Variants in DLG2 observed in about 807,000 individuals in gnomAD.
The protein encoded by DLG2 is discs large MAGUK scaffold protein 2, also known as disks large homolog 2.
A neutral mutation model predicts 132.5 loss-of-function variants in DLG2; 45 were observed. The observed-to-expected ratio is 0.34, with a 90% CI of 0.27 to 0.44. DLG2 has a LOEUF of 0.44. Among genes scored for constraint, DLG2 ranks in the 20% least tolerant of loss-of-function variants. The pLI, the probability that DLG2 is intolerant of heterozygous loss-of-function variation, is 1.00. For synonymous variants in DLG2, 424 were observed against 419.6 expected (o/e 1.01, Z -0.13); for missense variants, 1,045 against 1,196.9 (o/e 0.87, Z 1.87).
chr11:83,805,478 A>G (rs1305131309), intron 17 of DLG2, among the ~76,000 whole-genome samples: 1 of 151,846 alleles, frequency 6.6e-6, no homozygotes, highest in African/African-American at 2.4e-5. Context: ...GATATATCAT[A>G]TATTTGGTTT....
chr11:85,148,323 T>C (rs1026386905), intron 5 of DLG2, among the ~76,000 whole-genome samples: 1 of 152,144 alleles, frequency 6.6e-6, no homozygotes, highest in African/African-American at 2.4e-5. Context: ...TTTGAGGAAT[T>C]GGCACACTGT....
intron 18 of DLG2, among the ~76,000 whole-genome samples, chr11:83,667,013 C>G (rs1302267287): frequency 6.6e-6 from 1 of 152,206 alleles, no homozygotes; most frequent in East Asian, 1.9e-4. Flanking sequence ...CCTGGGCAAA[C>G]TGCGATATAC....
At chr11:84,868,348 G>C (rs2084951662) in intron 6 of DLG2, among the ~76,000 whole-genome samples, 1 of 151,884 alleles carries the variant, frequency 6.6e-6, no homozygotes. Context: ...TTAAACATAT[G>C]CATTTTCTTA....
intron 6 of DLG2, among the ~76,000 whole-genome samples, chr11:84,658,324 G>A (rs1039879184): frequency 1.4e-4 from 21 of 152,094 alleles, no homozygotes; most frequent in African/African-American, 5.1e-4. Flanking sequence ...TGATATAGAT[G>A]AAATGTTTGT....
intron 3 of DLG2, among the ~76,000 whole-genome samples, chr11:85,513,736 T>A (rs111997163): frequency 2.0e-5 from 3 of 151,922 alleles, no homozygotes; most frequent in Non-Finnish European, 4.4e-5. Flanking sequence ...GGTCTTGCTG[T>A]CATGCCATTA....
At chr11:83,597,162 TAAAGATTAAATTAGGTAA>T (rs1363385087) in intron 19 of DLG2, among the ~76,000 whole-genome samples, 1 of 152,104 alleles carries the variant, frequency 6.6e-6, no homozygotes, top group Non-Finnish European at 1.5e-5. Flanking sequence ...AAAGATAAAA[TAAAGATTAAATTAGGTAA>T]CATCAGTGAC....
chr11:84,214,866 G>T (rs2154316771), intron 8 of DLG2, among the ~76,000 whole-genome samples: 1 of 152,240 alleles, frequency 6.6e-6, no homozygotes, highest in South Asian at 2.1e-4. Context: ...TCATATATCA[G>T]AAATGTGATT....
At chr11:85,422,547 G>A (rs1450769732) in intron 3 of DLG2, among the ~76,000 whole-genome samples, 4 of 150,952 alleles carry the variant, frequency 2.6e-5, no homozygotes, top group Non-Finnish European at 4.4e-5. Context: ...ATTTTTTTTG[G>A]TGGGGGGGAT....
At chr11:85,429,611 T>C (rs955028426) in intron 3 of DLG2, among the ~76,000 whole-genome samples, 8 of 152,156 alleles carry the variant, frequency 5.3e-5, no homozygotes, top group Non-Finnish European at 8.8e-5. Context: ...AAAAAAATGC[T>C]CGTCATCACT....
At chr11:85,019,574 C>G (rs1452326703) in intron 6 of DLG2, among the ~76,000 whole-genome samples, 3 of 152,068 alleles carry the variant, frequency 2.0e-5, no homozygotes, top group African/African-American at 7.2e-5. Flanking sequence ...CACCCACTAA[C>G]TCGTCATTTA....
At chr11:83,661,793 C>T (rs1005928241) in intron 18 of DLG2, among the ~76,000 whole-genome samples, 4 of 152,080 alleles carry the variant, frequency 2.6e-5, no homozygotes, top group East Asian at 1.9e-4. Context: ...CTTACACTTC[C>T]GACTCAAGAC....
At chr11:85,305,111 T>C (rs1596091112) in intron 3 of DLG2, among the ~76,000 whole-genome samples, 1 of 152,186 alleles carries the variant, frequency 6.6e-6, no homozygotes, top group African/African-American at 2.4e-5. Flanking sequence ...AAAATGAATA[T>C]GGCATGGTTT....
At chr11:84,546,708 AT>A in intron 6 of DLG2, 1 of 507,748 alleles carries the variant, frequency 2.0e-6, no homozygotes, top group South Asian at 1.6e-5. Flanking sequence ...TGGATATCTC[AT>A]TACCACACAG....
chr11:84,708,937 A>G (rs1423437181), intron 6 of DLG2, among the ~76,000 whole-genome samples: 1 of 152,036 alleles, frequency 6.6e-6, no homozygotes, highest in South Asian at 2.1e-4. Context: ...ATTTAAAACA[A>G]AATTTTCTCA....
intron 6 of DLG2, among the ~76,000 whole-genome samples, chr11:84,579,219 G>GTA (rs1555057796): frequency 1.3e-5 from 2 of 151,806 alleles, no homozygotes; most frequent in African/African-American, 4.8e-5. Flanking sequence ...GTGTGTGTGT[G>GTA]TGTCTTTCTT....
intron 6 of DLG2, among the ~76,000 whole-genome samples, chr11:84,897,441 A>G (rs2090350583): frequency 6.6e-6 from 1 of 151,898 alleles, no homozygotes; most frequent in Non-Finnish European, 1.5e-5. Context: ...GAGAAAGGGC[A>G]TGGCCTTGTT....
At chr11:85,186,190 ATT>A (rs1376207621) in intron 4 of DLG2, among the ~76,000 whole-genome samples, 1 of 151,968 alleles carries the variant, frequency 6.6e-6, no homozygotes, top group Non-Finnish European at 1.5e-5. Context: ...CCATAGTAAA[ATT>A]TTGTATTTTC....
At chr11:84,317,169 C>A in intron 7 of DLG2, 2 of 1,590,374 alleles carry the variant, frequency 1.3e-6, no homozygotes, top group Non-Finnish European at 1.7e-6. Context: ...CTACTCTTTC[C>A]TTTGGTCAGC....
chr11:83,855,150 G>A lies in DLG2; in HGVS notation c.1565+19270C>T, dbSNP rs116115074. ...CCACTACACGCCCATTGAAATGGTC[G>A]AAATCCAGAATACTGACAAAAACAA... On this transcript the variant is annotated intron_variant, in intron 16 of 27. Transcript: ENST00000376104. Among the ~76,000 whole-genome samples, 539 of 152,158 alleles carry A rather than the reference G, an allele frequency of 3.5e-3. 4 individuals carry two copies. Among genetic ancestry groups the A allele is most frequent in the African/African-American group, 0.012 (517 of 41,542 alleles).
Sources: allele counts gnomAD v4.1 joint callset (sites outside exome capture counted in the v4.1 genomes callset), GRCh38; gene constraint gnomAD v4.1.1; transcripts MANE v1.5; gene names NCBI Gene and HGNC (gene_info 2026-07-23, HGNC 2026-07-21).